Variants in PCDH15 observed in about 807,000 individuals in gnomAD.
The protein encoded by PCDH15 is protocadherin related 15, also known as protocadherin-15.
Under a neutral mutation model 178.5 loss-of-function variants are expected in PCDH15, and 129 were observed. The observed-to-expected ratio is 0.72, with a 90% CI of 0.63 to 0.84. The LOEUF (loss-of-function observed/expected upper bound fraction) is 0.84. Among genes scored for constraint, PCDH15 ranks in the 40% least tolerant of loss-of-function variants. The probability of loss-of-function intolerance (pLI) is 0.00; values close to 1 mark genes in which losing one functional copy is unlikely to be tolerated. For missense variants in PCDH15, 2,230 were observed against 2,099.9 expected, an observed-to-expected ratio of 1.06 and a Z score of -1.21; for synonymous variants, 800 against 732.0, an observed-to-expected ratio of 1.09 and a Z score of -1.50.
chr10:55,000,917 T>A (rs982712516), intron 2 of PCDH15, among the ~76,000 whole-genome samples: 1 of 152,138 alleles, frequency 6.6e-6, no homozygotes, highest in Non-Finnish European at 1.5e-5. Context: ...CTGATGGTGC[T>A]TTTTCCAGGC....
chr10:53,887,371 G>A (rs1265331528), intron 26 of PCDH15, among the ~76,000 whole-genome samples: 1 of 152,088 alleles, frequency 6.6e-6, no homozygotes, highest in Non-Finnish European at 1.5e-5. Flanking sequence ...AAAAATACTA[G>A]CTTATCCCCT....
chr10:53,922,908 G>C (rs1564776916), intron 25 of PCDH15, among the ~76,000 whole-genome samples: 1 of 151,872 alleles, frequency 6.6e-6, no homozygotes, highest in African/African-American at 2.4e-5. Context: ...TAACACGGTG[G>C]AACCCCATCT....
intron 3 of PCDH15, among the ~76,000 whole-genome samples, chr10:54,893,069 C>A (rs1395194971): frequency 6.6e-6 from 1 of 151,966 alleles, no homozygotes; most frequent in African/African-American, 2.4e-5. Flanking sequence ...ATTAGATTGA[C>A]ACTTAAACTA....
At chr10:53,875,264 G>A (rs4478893) in intron 26 of PCDH15, among the ~76,000 whole-genome samples, 111,313 of 151,816 alleles carry the variant, frequency 0.73, 41,239 homozygotes, top group East Asian at 0.87. Context: ...ACAGAACCAC[G>A]TACTGTAAAT....
rs2076314128 is a variant in PCDH15 at position 53,822,154 on chromosome 10, T to C, written c.4368-1924A>G. On this transcript the variant is annotated intron_variant, in intron 32 of 37. Transcript: ENST00000644397. Reference sequence around the variant, plus strand: ...GATAGCTGTGTCATAGAGGACTTAATTTTCTCGGCAGGCATCAAGTTGGTC... The same window carrying C: ...GATAGCTGTGTCATAGAGGACTTAACTTTCTCGGCAGGCATCAAGTTGGTC... 6.2e-7 allele frequency: 1 copy of C among 1,613,944 alleles called. No individual in the cohort carries two copies. Among genetic ancestry groups the C allele is most frequent in the South Asian group, 1.1e-5 (1 of 91,084 alleles).
intron 2 of PCDH15, among the ~76,000 whole-genome samples, chr10:55,402,927 C>A (rs80200263): frequency 1.3e-5 from 2 of 151,858 alleles, no homozygotes; most frequent in Non-Finnish European, 1.5e-5. Context: ...AGTACTGATT[C>A]ACATTCCCCT....
intron 26 of PCDH15, among the ~76,000 whole-genome samples, chr10:53,881,037 A>G (rs927259268): frequency 3.3e-5 from 5 of 151,814 alleles, no homozygotes; most frequent in Non-Finnish European, 7.3e-5. Flanking sequence ...ATATGTATAC[A>G]CATGCACACA....
At chr10:55,392,568 A>G (rs1057471250) in intron 2 of PCDH15, among the ~76,000 whole-genome samples, 1 of 152,158 alleles carries the variant, frequency 6.6e-6, no homozygotes, top group African/African-American at 2.4e-5. Context: ...TGTGGAGGAA[A>G]TACATTTTGA....
chr10:54,877,957 T>C (rs1954180122), intron 3 of PCDH15, among the ~76,000 whole-genome samples: 1 of 14,302 alleles, frequency 7.0e-5, no homozygotes, highest in Non-Finnish European at 1.5e-4. Flanking sequence ...TTTTTTTTTT[T>C]TTTTTTTTTT....
At chr10:54,334,540 T>C (rs1940621426) in intron 6 of PCDH15, among the ~76,000 whole-genome samples, 1 of 152,212 alleles carries the variant, frequency 6.6e-6, no homozygotes, top group Non-Finnish European at 1.5e-5. Context: ...TCTTCTCAGC[T>C]GATAGATTTG....
chr10:55,594,583 C>T (rs1225725579), intron 2 of PCDH15, among the ~76,000 whole-genome samples: 1 of 151,964 alleles, frequency 6.6e-6, no homozygotes, highest in South Asian at 2.1e-4. Flanking sequence ...TAATCAAACA[C>T]ATTTGGCGTT....
intron 2 of PCDH15, among the ~76,000 whole-genome samples, chr10:54,960,641 C>A (rs180843186): frequency 1.6e-4 from 25 of 152,266 alleles, no homozygotes; most frequent in Admixed American, 1.4e-3. Context: ...TTTAAAATGT[C>A]TTTTCTCAAC....
intron 2 of PCDH15, among the ~76,000 whole-genome samples, chr10:55,398,566 T>G (rs927343381): frequency 6.6e-6 from 1 of 152,168 alleles, no homozygotes; most frequent in African/African-American, 2.4e-5. Context: ...ATAATGATGC[T>G]AAACAAATAA....
At position 54,316,722 on chromosome 10, in the gene PCDH15, T is replaced by C. The variant is rs141212738; in HGVS notation, c.876+549A>G. ...AACTGACAGAAATTTATAGCTCCAT[T>C]AGCATTTATCAAAAATACAGGATTA... On this transcript the variant is annotated intron_variant, in intron 8 of 37. Transcript: ENST00000644397. 4.6e-5 allele frequency among the ~76,000 whole-genome samples: 7 copies of C among 152,266 alleles called. No homozygotes were observed. The East Asian group carries it at 1.4e-3, about 29-fold the overall frequency.
chr10:55,307,132 C>A lies in PCDH15; in HGVS notation c.-156+12467G>T, dbSNP rs185040084. Among the ~76,000 whole-genome samples the A allele has an allele frequency of 4.8e-3, 723 of 151,738 alleles. 9 individuals carry two copies. The highest frequency in any genetic ancestry group is 0.017 in the African/African-American group (687 of 41,396). On this transcript the variant is annotated intron_variant, in intron 1 of 5. Coordinates refer to the PCDH15 transcript ENST00000458638. ...GTATTTTATATATAACTTTTATATT[C>A]TTATTGGAAATATCAGATATTTTAA...
intron 2 of PCDH15, among the ~76,000 whole-genome samples, chr10:55,138,283 A>G (rs1259176507): frequency 6.6e-6 from 1 of 152,196 alleles, no homozygotes. Context: ...CAATATAAGT[A>G]GGGGTTCTTT....
chr10:54,840,009 T>A (rs1953390260), intron 3 of PCDH15, among the ~76,000 whole-genome samples: 1 of 151,794 alleles, frequency 6.6e-6, no homozygotes, highest in Non-Finnish European at 1.5e-5. Flanking sequence ...ACACACACAA[T>A]TAAAGGAGTT....
chr10:54,582,747 C>T (rs116225936), intron 2 of PCDH15, among the ~76,000 whole-genome samples: 1,988 of 151,852 alleles, frequency 0.013, 44 homozygotes, highest in African/African-American at 0.046. Flanking sequence ...CCTGTCTCTA[C>T]GAAGAAAATT....
chr10:54,122,885 A>T (rs1246396706), intron 15 of PCDH15, among the ~76,000 whole-genome samples: 1 of 151,178 alleles, frequency 6.6e-6, no homozygotes, highest in African/African-American at 2.5e-5. Context: ...AAAAAAAAAA[A>T]AAAGGGAACC....
Sources: allele counts gnomAD v4.1 joint callset (sites outside exome capture counted in the v4.1 genomes callset), GRCh38; gene constraint gnomAD v4.1.1; transcripts MANE v1.5; gene names NCBI Gene and HGNC (gene_info 2026-07-23, HGNC 2026-07-21).